TLE4: variants seen among roughly 807,000 people sequenced by gnomAD.
TLE4 encodes the protein transducin-like enhancer protein 4.
In TLE4, 8 loss-of-function variants were observed where a neutral mutation model predicts 92.8. That is an observed-to-expected ratio of 0.09 (90% CI 0.05 to 0.16). The LOEUF is 0.16. TLE4 is among the 10% of genes least tolerant of loss of function. The probability of loss-of-function intolerance (pLI) is 1.00; values close to 1 mark genes in which losing one functional copy is unlikely to be tolerated. For synonymous variants in TLE4, 371 were observed against 374.1 expected (o/e 0.99, Z 0.10); for missense variants, 675 against 997.6 (o/e 0.68, Z 4.36).
chr9:79,682,262 G>A (rs1279140876), intron 8 of TLE4, among the ~76,000 whole-genome samples: 1 of 152,112 alleles, frequency 6.6e-6, no homozygotes, highest in African/African-American at 2.4e-5. Flanking sequence ...TAACAAAACT[G>A]AACCTGGCTT....
chr9:79,576,106 A>G, intron 3 of TLE4, 27 bp from the exon 4 acceptor site: 2 of 1,442,798 alleles, frequency 1.4e-6, no homozygotes, highest in African/African-American at 1.4e-5. Context: ...AAAGTCATGC[A>G]TTTAATTGCT....
At chr9:79,598,491 G>T (rs2044669402) in intron 4 of TLE4, among the ~76,000 whole-genome samples, 1 of 152,058 alleles carries the variant, frequency 6.6e-6, no homozygotes, top group Non-Finnish European at 1.5e-5. Flanking sequence ...TCCTTTGTGT[G>T]TCAGACTCAT....
intron 5 of TLE4, among the ~76,000 whole-genome samples, chr9:79,614,921 G>A (rs1286359556): frequency 3.3e-5 from 5 of 152,084 alleles, no homozygotes; most frequent in Admixed American, 1.3e-4. Context: ...TTGGACACCC[G>A]TGATCTATGC....
At chr9:79,593,453 G>T (rs1235521752) in intron 4 of TLE4, among the ~76,000 whole-genome samples, 1 of 151,924 alleles carries the variant, frequency 6.6e-6, no homozygotes. Flanking sequence ...TTCTTTCTTG[G>T]TGTGCTAATT....
intron 8 of TLE4, among the ~76,000 whole-genome samples, chr9:79,700,226 G>A (rs1173994888): frequency 6.6e-6 from 1 of 152,222 alleles, no homozygotes; most frequent in Non-Finnish European, 1.5e-5. Flanking sequence ...CATCCCTTAC[G>A]GCTATTAAGT....
chr9:79,649,608 G>A, intron 6 of TLE4: 1 of 243,934 alleles, frequency 4.1e-6, no homozygotes, highest in South Asian at 4.5e-5. Context: ...CAGGTGGAGA[G>A]GCTGGCCTTT....
At position 79,616,067 on chromosome 9, in the gene TLE4, T is replaced by C. The variant is rs145268418; in HGVS notation, c.315+3349T>C. 8.2e-3 allele frequency among the ~76,000 whole-genome samples: 1,245 copies of C among 152,324 alleles called. 21 individuals carry two copies. The highest frequency in any genetic ancestry group is 0.028 in the African/African-American group (1,146 of 41,572). Reference sequence around the variant, plus strand: ...TTTAGGAATGGATAAGACTCAAATTTATTCTTCAAAAAGCCATCTCAAGGT... The same window carrying C: ...TTTAGGAATGGATAAGACTCAAATTCATTCTTCAAAAAGCCATCTCAAGGT... On this transcript the variant is annotated intron_variant, in intron 5 of 19. Coordinates refer to ENST00000376552, the MANE Select transcript of TLE4 (RefSeq NM_007005.6).
chr9:79,648,388 C>T (rs2058430856), intron 6 of TLE4, among the ~76,000 whole-genome samples: 1 of 152,020 alleles, frequency 6.6e-6, no homozygotes, highest in Admixed American at 6.6e-5. Context: ...CTTTATGAGG[C>T]AGTATATGCC....
intron 3 of TLE4, 57 bp downstream of exon 3, chr9:79,574,993 A>G: frequency 1.3e-6 from 2 of 1,487,484 alleles, no homozygotes; most frequent in East Asian, 4.5e-5. Flanking sequence ...ACCAAAAACA[A>G]GAATATGTTT....
chr9:79,578,977 T>C (rs184004183), intron 4 of TLE4, among the ~76,000 whole-genome samples: 102 of 150,896 alleles, frequency 6.8e-4, no homozygotes, highest in African/African-American at 2.4e-3. Context: ...TTCTAGGCTA[T>C]AATGGGAATT....
chr9:79,658,019 C>T (rs891175999), intron 8 of TLE4, among the ~76,000 whole-genome samples: 1 of 152,148 alleles, frequency 6.6e-6, no homozygotes, highest in African/African-American at 2.4e-5. Context: ...TACTTTTTCT[C>T]CTCTGTGCCT....
intron 2 of TLE4, 81 bp downstream of exon 2, chr9:79,573,867 C>A: frequency 9.5e-7 from 1 of 1,053,312 alleles, no homozygotes; most frequent in Non-Finnish European, 1.3e-6. Flanking sequence ...ACTTACCCTC[C>A]TCCTTTTTTG....
intron 4 of TLE4, among the ~76,000 whole-genome samples, chr9:79,596,916 C>T (rs1037866737): frequency 6.6e-6 from 1 of 152,154 alleles, no homozygotes; most frequent in Middle Eastern, 3.2e-3. Flanking sequence ...GACTGCACAG[C>T]TGTATAGTTC....
At chr9:79,636,560 G>A (rs2055887082) in intron 6 of TLE4, among the ~76,000 whole-genome samples, 1 of 152,128 alleles carries the variant, frequency 6.6e-6, no homozygotes, top group African/African-American at 2.4e-5. Flanking sequence ...CCTCTGGATA[G>A]CCCATCCTCT....
intron 19 of TLE4, among the ~76,000 whole-genome samples, chr9:79,723,559 A>C (rs1374465079): frequency 2.0e-5 from 3 of 152,218 alleles, no homozygotes; most frequent in Non-Finnish European, 4.4e-5. Context: ...GACATAGTAC[A>C]CATATATGCA....
intron 12 of TLE4, 64 bp downstream of exon 12, chr9:79,708,314 AGGAGTACAGTAC>A: frequency 6.4e-7 from 1 of 1,565,648 alleles, no homozygotes; most frequent in Non-Finnish European, 8.8e-7. Flanking sequence ...AAGCAATTTA[AGGAGTACAGTAC>A]ATTAAAAGTG....
At chr9:79,678,891 GA>G (rs1387199731) in intron 8 of TLE4, among the ~76,000 whole-genome samples, 1 of 151,472 alleles carries the variant, frequency 6.6e-6, no homozygotes, top group African/African-American at 2.4e-5. Flanking sequence ...TTCTCCTTGT[GA>G]TAGTTTGCTG....
chr9:79,603,865 T>C (rs1481942747), intron 4 of TLE4, among the ~76,000 whole-genome samples: 1 of 152,114 alleles, frequency 6.6e-6, no homozygotes, highest in Non-Finnish European at 1.5e-5. Context: ...GGAGCCTACA[T>C]TCTCTAGAAC....
chr9:79,717,127 A>T (rs1226261409), intron 14 of TLE4, among the ~76,000 whole-genome samples: 1 of 152,094 alleles, frequency 6.6e-6, no homozygotes, highest in African/African-American at 2.4e-5. Context: ...CCGTCCCCTT[A>T]GCTTCAGCCA....
Sources: gnomAD v4.1 joint callset for allele counts (sites outside exome capture counted in the v4.1 genomes callset) on GRCh38, gnomAD v4.1.1 for gene constraint, MANE v1.5 for transcripts, NCBI Gene and HGNC (gene_info 2026-07-23, HGNC 2026-07-21) for gene names.